The following FOXN3 variants were observed in gnomAD, a reference collection of about 807,000 sequenced individuals.
FOXN3 encodes forkhead box protein N3.
In FOXN3, 7 loss-of-function variants were observed where a neutral mutation model predicts 38.4. That is an observed-to-expected ratio of 0.18 (90% confidence interval 0.10 to 0.34). The LOEUF (loss-of-function observed/expected upper bound fraction) is 0.34. Among genes scored for constraint, FOXN3 ranks in the 10% least tolerant of loss-of-function variants. FOXN3 has a pLI of 1.00. For synonymous variants in FOXN3, 230 were observed against 242.2 expected (o/e 0.95, Z 0.47); for missense variants, 456 against 613.4 (o/e 0.74, Z 2.71).
intron 1 of FOXN3, among the ~76,000 whole-genome samples, chr14:89,414,461 G>A (rs933220793): frequency 1.3e-5 from 2 of 152,006 alleles, no homozygotes; most frequent in African/African-American, 2.4e-5. Context: ...AGCCAAGGGT[G>A]CCTGTGAATT....
intron 3 of FOXN3, among the ~76,000 whole-genome samples, chr14:89,316,162 T>C (rs573522123): frequency 5.9e-5 from 9 of 152,304 alleles, no homozygotes; most frequent in African/African-American, 2.2e-4. Flanking sequence ...TGGGGCTTGC[T>C]TTCTCTTGTT....
At chr14:89,506,584 G>A (rs1893945221) in intron 1 of FOXN3, among the ~76,000 whole-genome samples, 1 of 152,104 alleles carries the variant, frequency 6.6e-6, no homozygotes, top group African/African-American at 2.4e-5. Flanking sequence ...ACTGGGAAGT[G>A]AGGAGCCCCT....
intron 2 of FOXN3, among the ~76,000 whole-genome samples, chr14:89,379,237 C>T (rs542324060): frequency 5.9e-5 from 9 of 152,304 alleles, no homozygotes; most frequent in Admixed American, 3.9e-4. Context: ...GACCTTCACT[C>T]GGGGACCTTC....
Position 89,162,639 on chromosome 14 carries a change from G to A in FOXN3, c.1182C>T (p.Ser394=). Residue 394 remains serine, a synonymous_variant, in exon 6 of 6, where the codon TCC becomes TCT. Transcript: ENST00000557258. The surrounding 1 kb of genome is among the most constrained non-coding windows in gnomAD (Gnocchi z 7.2). ...KDSLGDSGYA[S]QHKKRQHFAK... is the part of the protein sequence containing the mutation. ...CGAAGTGCTGGCGCTTCTTGTGCTGGGATGCGTACCCGCTGTCCCCCAGAG... is the reference window on the plus strand; with the variant it reads ...CGAAGTGCTGGCGCTTCTTGTGCTGAGATGCGTACCCGCTGTCCCCCAGAG... 3 of 1,613,842 alleles carry A rather than the reference G, an allele frequency of 1.9e-6. No individual in the cohort carries two copies. Among genetic ancestry groups the A allele is most frequent in the Non-Finnish European group, 1.7e-6 (2 of 1,179,924 alleles).
At chr14:89,231,450 A>G (rs1360239821) in intron 4 of FOXN3, among the ~76,000 whole-genome samples, 1 of 152,150 alleles carries the variant, frequency 6.6e-6, no homozygotes, top group Non-Finnish European at 1.5e-5. Flanking sequence ...GGAGCTAACA[A>G]GCCAGGTGAT....
intron 1 of FOXN3, among the ~76,000 whole-genome samples, chr14:89,433,600 C>T (rs1892211035): frequency 6.6e-6 from 1 of 151,690 alleles, no homozygotes; most frequent in Non-Finnish European, 1.5e-5. Context: ...GTCAGGAGTT[C>T]GTGACCAGCC....
At chr14:89,377,425 G>A (rs149998031) in intron 2 of FOXN3, among the ~76,000 whole-genome samples, 1 of 152,300 alleles carries the variant, frequency 6.6e-6, no homozygotes, top group East Asian at 1.9e-4. Context: ...TTTCTTAGGT[G>A]TGACAATAGC....
At position 89,427,330 on chromosome 14, in the gene FOXN3, G is replaced by T. The variant is rs1319515523; in HGVS notation, c.-14-14840C>A. ...TTTTTTTTTTTTTTTTTTTGAGATGGAGTCTTGCTCTGTTGCCCAGACTAG... is the reference window on the plus strand; with the variant it reads ...TTTTTTTTTTTTTTTTTTTGAGATGTAGTCTTGCTCTGTTGCCCAGACTAG... On this transcript the variant is annotated intron_variant, in intron 1 of 6. Transcript: ENST00000345097. Among the ~76,000 whole-genome samples the T allele has an allele frequency of 1.2e-4, 14 of 119,352 alleles. 1 individual carries two copies. Among genetic ancestry groups the T allele is most frequent in the African/African-American group, 2.1e-4 (6 of 28,456 alleles). The allele number at this position is 119,352 out of a possible 152,430, so 78.3% of individuals were successfully genotyped here.
chr14:89,547,538 T>C (rs369735803), intron 1 of FOXN3, among the ~76,000 whole-genome samples: 25 of 152,286 alleles, frequency 1.6e-4, no homozygotes, highest in African/African-American at 5.5e-4. Flanking sequence ...CCTCAAGCAA[T>C]TGTTAATTGT....
intron 1 of FOXN3, among the ~76,000 whole-genome samples, chr14:89,493,639 A>G (rs573126190): frequency 7.2e-5 from 11 of 152,272 alleles, no homozygotes; most frequent in Non-Finnish European, 1.6e-4. Context: ...AGAAAAGACA[A>G]TGGAGCCCCG....
intron 1 of FOXN3, among the ~76,000 whole-genome samples, chr14:89,505,367 C>T (rs936002849): frequency 2.0e-5 from 3 of 149,648 alleles, no homozygotes; most frequent in Non-Finnish European, 4.4e-5. Flanking sequence ...CTCACTGCAA[C>T]CTCCCTGCCT....
intron 4 of FOXN3, among the ~76,000 whole-genome samples, chr14:89,269,708 T>C (rs1337720618): frequency 6.6e-6 from 1 of 152,108 alleles, no homozygotes; most frequent in African/African-American, 2.4e-5. Flanking sequence ...CCTTTTGACA[T>C]TGGAGGGCCA....
intron 4 of FOXN3, among the ~76,000 whole-genome samples, chr14:89,215,751 A>G (rs1884258829): frequency 6.6e-6 from 1 of 152,240 alleles, no homozygotes; most frequent in Admixed American, 6.5e-5. Flanking sequence ...TGTGGCAGTC[A>G]GGAGAATTTG....
At chr14:89,529,624 C>T (rs7140758) in intron 1 of FOXN3, among the ~76,000 whole-genome samples, 36,207 of 152,108 alleles carry the variant, frequency 0.24, 4,467 homozygotes, top group Middle Eastern at 0.28. Context: ...AATAAGCAAA[C>T]AAAAATTAGA....
intron 4 of FOXN3, among the ~76,000 whole-genome samples, chr14:89,182,403 G>C (rs549244655): frequency 2.6e-5 from 4 of 152,206 alleles, no homozygotes; most frequent in African/African-American, 9.6e-5. Flanking sequence ...AGGTGGGATG[G>C]GTGACAGAAT....
At chr14:89,244,990 G>A (rs1033327917) in intron 4 of FOXN3, among the ~76,000 whole-genome samples, 63 of 152,176 alleles carry the variant, frequency 4.1e-4, no homozygotes, top group Non-Finnish European at 6.2e-4. Flanking sequence ...TTCGACTCTA[G>A]GGGTGTGGTG....
Position 89,163,291 on chromosome 14 carries a change from G to A in FOXN3, c.852-322C>T, listed in dbSNP as rs1322564195. Among the ~76,000 whole-genome samples, 1 of 152,156 alleles carries A rather than the reference G, an allele frequency of 6.6e-6. No individual in the cohort carries two copies. The highest frequency in any genetic ancestry group is 2.4e-5 in the African/African-American group (1 of 41,426). On this transcript the variant is annotated intron_variant, in intron 5 of 5. Coordinates refer to ENST00000557258, the MANE Select transcript of FOXN3 (RefSeq NM_005197.4). The surrounding 1 kb of genome is among the most constrained non-coding windows in gnomAD (Gnocchi z 4.3). The stretch of plus-strand genomic sequence containing the variant: ...TACATTAAACCATAAAAATCAAGCT[G>A]TGCTTGGTTCGTGTCCCCGCCAACA...
intron 4 of FOXN3, among the ~76,000 whole-genome samples, chr14:89,213,615 C>T (rs182157043): frequency 1.3e-5 from 2 of 152,324 alleles, no homozygotes; most frequent in Admixed American, 1.3e-4. Context: ...TGGGAGACAG[C>T]TGAAATATAC....
chr14:89,595,694 G>A lies in FOXN3; in HGVS notation c.-15+23334C>T, dbSNP rs370813216. The stretch of plus-strand genomic sequence containing the variant: ...CCTAATACCTTCATTTCTCTTTCAT[G>A]TCTCATCACACTAGCTAAGATCTGC... On this transcript the variant is annotated intron_variant, in intron 1 of 6. Coordinates refer to the FOXN3 transcript ENST00000345097. Among the ~76,000 whole-genome samples, 4 of 151,964 alleles carry A rather than the reference G, an allele frequency of 2.6e-5. No homozygotes were observed. The South Asian group carries it at 8.3e-4, about 32-fold the overall frequency.
Sources: allele counts gnomAD v4.1 joint callset (sites outside exome capture counted in the v4.1 genomes callset), GRCh38; gene constraint gnomAD v4.1.1; non-coding constraint Gnocchi (gnomAD v3.1); transcripts MANE v1.5; gene names NCBI Gene and HGNC (gene_info 2026-07-23, HGNC 2026-07-21).